The following FGFR2 variants were observed in gnomAD, a reference collection of about 807,000 sequenced individuals.
FGFR2 encodes the protein fibroblast growth factor receptor 2, also known as BEK fibroblast growth factor receptor.
A neutral mutation model predicts 95.9 loss-of-function variants in FGFR2; 19 were observed. That is an observed-to-expected ratio of 0.20 (90% confidence interval 0.14 to 0.29). The LOEUF (loss-of-function observed/expected upper bound fraction) is 0.29, where lower values mean the gene tolerates loss of function less well. Among genes scored for constraint, FGFR2 ranks in the 10% least tolerant of loss-of-function variants. The probability of loss-of-function intolerance (pLI) is 1.00; values close to 1 mark genes in which losing one functional copy is unlikely to be tolerated. For synonymous variants in FGFR2, 392 were observed against 393.3 expected (o/e 1.00, Z 0.04); for missense variants, 707 against 1,056.9 (o/e 0.67, Z 4.59).
intron 6 of FGFR2, chr10:121,526,660 A>G (rs1483174933): frequency 2.5e-6 from 1 of 398,532 alleles, no homozygotes; most frequent in Non-Finnish European, 4.4e-6. Context: ...AGGTGCCCAC[A>G]GCCAGTATCT....
chr10:121,539,671 G>A (rs1159920897), intron 5 of FGFR2, among the ~76,000 whole-genome samples: 3 of 152,062 alleles, frequency 2.0e-5, no homozygotes, highest in African/African-American at 4.8e-5. Context: ...CCAGTGAAAC[G>A]AAATGAAAAA....
chr10:121,544,466 G>A (rs1399051619), intron 5 of FGFR2, among the ~76,000 whole-genome samples: 1 of 148,604 alleles, frequency 6.7e-6, no homozygotes, highest in Non-Finnish European at 1.5e-5. Context: ...AAAAAAAAGT[G>A]GTATATCCAT....
At chr10:121,581,705 T>C (rs537376052) in intron 2 of FGFR2, among the ~76,000 whole-genome samples, 2 of 148,576 alleles carry the variant, frequency 1.3e-5, no homozygotes, top group Non-Finnish European at 3.0e-5. Flanking sequence ...TGAGCTGTGA[T>C]TGCACCACTG....
chr10:121,589,961 G>A (rs998750108), intron 2 of FGFR2, among the ~76,000 whole-genome samples: 5 of 152,138 alleles, frequency 3.3e-5, no homozygotes, highest in African/African-American at 4.8e-5. Flanking sequence ...AATTAAATGC[G>A]TATGGTTAAT....
chr10:121,491,727 G>A (rs189153090), intron 13 of FGFR2, among the ~76,000 whole-genome samples: 185 of 152,168 alleles, frequency 1.2e-3, no homozygotes, highest in African/African-American at 3.7e-3. Flanking sequence ...AAAATTAGCC[G>A]GGCGTGGTGG....
intron 9 of FGFR2, among the ~76,000 whole-genome samples, chr10:121,505,864 GA>G (rs1336717570): frequency 6.6e-6 from 1 of 152,188 alleles, no homozygotes; most frequent in East Asian, 1.9e-4. Context: ...AACGGCCAAT[GA>G]TGCTTCCCCA....
chr10:121,572,708 C>T (rs1395187980), intron 2 of FGFR2, among the ~76,000 whole-genome samples: 1 of 152,186 alleles, frequency 6.6e-6, no homozygotes, highest in African/African-American at 2.4e-5. Context: ...TTGACCTGGC[C>T]TTCCTTCCCT....
At chr10:121,505,303 T>C (rs1848125952) in intron 9 of FGFR2, among the ~76,000 whole-genome samples, 1 of 152,196 alleles carries the variant, frequency 6.6e-6, no homozygotes, top group African/African-American at 2.4e-5. Context: ...GATTAGGAAG[T>C]TGTTTTCAGT....
At chr10:121,543,225 A>C (rs941500822) in intron 5 of FGFR2, among the ~76,000 whole-genome samples, 1 of 152,166 alleles carries the variant, frequency 6.6e-6, no homozygotes, top group Non-Finnish European at 1.5e-5. Context: ...AATGCAAAAA[A>C]TCTGCCAGGT....
chr10:121,508,866 T>C (rs1323763896), intron 9 of FGFR2, among the ~76,000 whole-genome samples: 2 of 152,268 alleles, frequency 1.3e-5, no homozygotes, highest in African/African-American at 4.8e-5. Flanking sequence ...TTTACTATGC[T>C]TTTAAAATCC....
intron 2 of FGFR2, among the ~76,000 whole-genome samples, chr10:121,584,149 C>T (rs1374010254): frequency 6.6e-6 from 1 of 151,934 alleles, no homozygotes; most frequent in Admixed American, 6.6e-5. Context: ...TGTGCAAATG[C>T]TTGTTCAGCT....
chr10:121,495,036 G>C (rs1589748514), intron 13 of FGFR2, among the ~76,000 whole-genome samples: 1 of 152,098 alleles, frequency 6.6e-6, no homozygotes. Flanking sequence ...CGTCTCCCCA[G>C]CAGTTTTTGT....
At chr10:121,508,069 C>T (rs1372957919) in intron 9 of FGFR2, among the ~76,000 whole-genome samples, 1 of 152,184 alleles carries the variant, frequency 6.6e-6, no homozygotes, top group Non-Finnish European at 1.5e-5. Flanking sequence ...GTACACAGTT[C>T]ATATGCAAAT....
At chr10:121,581,630 T>C (rs767069193) in intron 2 of FGFR2, among the ~76,000 whole-genome samples, 2 of 150,558 alleles carry the variant, frequency 1.3e-5, no homozygotes, top group African/African-American at 2.4e-5. Context: ...CCTGCGCCTA[T>C]AGTCGCAGCT....
At chr10:121,486,971 A>G (rs575821481) in intron 15 of FGFR2, among the ~76,000 whole-genome samples, 8 of 152,356 alleles carry the variant, frequency 5.3e-5, no homozygotes, top group Non-Finnish European at 1.2e-4. Flanking sequence ...AATCTGGGTT[A>G]GAGGGAAATA....
chr10:121,495,722 G>A (rs757394466), intron 13 of FGFR2, among the ~76,000 whole-genome samples: 2 of 152,192 alleles, frequency 1.3e-5, no homozygotes, highest in Non-Finnish European at 2.9e-5. Context: ...ACGCCGACCA[G>A]AGGATCTCAC....
chr10:121,550,739 T>G (rs1855269600), intron 5 of FGFR2, among the ~76,000 whole-genome samples: 1 of 152,168 alleles, frequency 6.6e-6, no homozygotes, highest in Non-Finnish European at 1.5e-5. Flanking sequence ...CTTTCGACCC[T>G]TCTGTTATTA....
At position 121,485,078 on chromosome 10, in the gene FGFR2, G is replaced by A. The variant is rs951863333; in HGVS notation, c.2195+317C>T. Reference sequence around the variant, plus strand: ...TCTTCCTGTCACTCCACGGGAGACCGCAGAAGGTGCAGCACAGTGGCCCAG... The same window carrying A: ...TCTTCCTGTCACTCCACGGGAGACCACAGAAGGTGCAGCACAGTGGCCCAG... On this transcript the variant is annotated intron_variant, in intron 16 of 17. Coordinates refer to ENST00000358487, the MANE Select transcript of FGFR2 (RefSeq NM_000141.5). The surrounding 1 kb of genome is among the most constrained non-coding windows in gnomAD (Gnocchi z 4.2). Among the ~76,000 whole-genome samples, 3 of 152,112 alleles carry A rather than the reference G, an allele frequency of 2.0e-5. No homozygotes were observed. The highest frequency in any genetic ancestry group is 6.6e-5 in the Admixed American group (1 of 15,266).
chr10:121,539,520 T>A (rs1333779754), intron 5 of FGFR2, among the ~76,000 whole-genome samples: 1 of 152,220 alleles, frequency 6.6e-6, no homozygotes. Context: ...GCTTTTCAAA[T>A]ATTTCCATAG....
Sources: allele counts gnomAD v4.1 joint callset (sites outside exome capture counted in the v4.1 genomes callset), GRCh38; gene constraint gnomAD v4.1.1; non-coding constraint Gnocchi (gnomAD v3.1); transcripts MANE v1.5; gene names NCBI Gene and HGNC (gene_info 2026-07-23, HGNC 2026-07-21).